TMEM132D: variants seen among roughly 807,000 people sequenced by gnomAD.
TMEM132D encodes transmembrane protein 132D.
TMEM132D carries 21 observed loss-of-function variants against 62.3 expected under a neutral mutation model. The ratio of observed to expected loss-of-function variants is 0.34; its 90% CI spans 0.24 to 0.49. The LOEUF is 0.49. TMEM132D is among the 20% of genes least tolerant of loss of function. The pLI is 0.99. For synonymous variants in TMEM132D, 621 were observed against 575.6 expected (o/e 1.08, Z -1.13); for missense variants, 1,346 against 1,402.8 (o/e 0.96, Z 0.65).
At chr12:129,149,227 G>T (rs935181834) in intron 5 of TMEM132D, among the ~76,000 whole-genome samples, 10 of 152,088 alleles carry the variant, frequency 6.6e-5, no homozygotes, top group East Asian at 3.9e-4. Context: ...GGGCCTGTTG[G>T]GGGGTGGGGG....
rs115775448 is a variant in TMEM132D at position 129,446,862 on chromosome 12, C to T, written c.1115+84197G>A. Among the ~76,000 whole-genome samples, 723 of 152,286 alleles carry T rather than the reference C, an allele frequency of 4.7e-3. 7 individuals are homozygous for T. Among genetic ancestry groups the T allele is most frequent in the African/African-American group, 0.017 (693 of 41,554 alleles). On this transcript the variant is annotated intron_variant, in intron 3 of 8. Transcript: ENST00000422113. ...TGTGCCTGCCAAGTTTTAATCAACT[C>T]GCCTGGCCGTGAGACCCGGCTGGCA...
At chr12:129,081,404 T>C (rs1312268087) in intron 7 of TMEM132D, among the ~76,000 whole-genome samples, 1 of 152,166 alleles carries the variant, frequency 6.6e-6, no homozygotes, top group African/African-American at 2.4e-5. Flanking sequence ...GCCCGAGCGA[T>C]CCTTGCACCT....
intron 3 of TMEM132D, among the ~76,000 whole-genome samples, chr12:129,386,323 A>G (rs1233073029): frequency 6.6e-6 from 1 of 152,220 alleles, no homozygotes. Flanking sequence ...CACTAACACT[A>G]AAACCAATGC....
intron 3 of TMEM132D, among the ~76,000 whole-genome samples, chr12:129,339,223 C>T (rs1401367037): frequency 1.3e-5 from 2 of 148,628 alleles, no homozygotes; most frequent in Non-Finnish European, 1.5e-5. Context: ...GCTGGGATCA[C>T]ACCAGTGCAT....
rs201385402 is a variant in TMEM132D at position 129,472,883 on chromosome 12, T to G, written c.1115+58176A>C. On this transcript the variant is annotated intron_variant, in intron 3 of 8. Coordinates refer to ENST00000422113, the MANE Select transcript of TMEM132D (RefSeq NM_133448.3). Reference sequence around the variant, plus strand: ...GTTGTCTTATTTTAAGACTTTTTTTTTTTTTGAGACAGAGTTTCACTCTTG... The same window carrying G: ...GTTGTCTTATTTTAAGACTTTTTTTGTTTTTGAGACAGAGTTTCACTCTTG... Among the ~76,000 whole-genome samples, 7 of 152,164 alleles carry G rather than the reference T, an allele frequency of 4.6e-5. No individual in the cohort carries two copies. In the East Asian group the frequency reaches 1.2e-3, roughly 25 times the overall value.
At chr12:129,384,973 G>A (rs115175202) in intron 3 of TMEM132D, among the ~76,000 whole-genome samples, 14 of 151,852 alleles carry the variant, frequency 9.2e-5, no homozygotes, top group Middle Eastern at 3.4e-3. Context: ...GTTTACTCAC[G>A]CAGTCTGAAA....
chr12:129,625,832 C>G (rs1879198364), intron 2 of TMEM132D, among the ~76,000 whole-genome samples: 1 of 152,144 alleles, frequency 6.6e-6, no homozygotes, highest in Non-Finnish European at 1.5e-5. Context: ...AATGCCCACT[C>G]AGAGGGGGTA....
chr12:129,217,971 G>T (rs1879254337), intron 4 of TMEM132D, among the ~76,000 whole-genome samples: 1 of 152,124 alleles, frequency 6.6e-6, no homozygotes, highest in Non-Finnish European at 1.5e-5. Flanking sequence ...CTCTCCCCTG[G>T]TCAAAAGTAG....
intron 3 of TMEM132D, among the ~76,000 whole-genome samples, chr12:129,473,335 T>G (rs1305085509): frequency 7.2e-6 from 1 of 138,218 alleles, no homozygotes; most frequent in Non-Finnish European, 1.6e-5. Flanking sequence ...TTTTTTTTTT[T>G]TTTTTTTTTT....
intron 3 of TMEM132D, among the ~76,000 whole-genome samples, chr12:129,491,124 T>G (rs1432224947): frequency 6.6e-6 from 1 of 152,140 alleles, no homozygotes; most frequent in East Asian, 1.9e-4. Context: ...TCCCTTCTGG[T>G]ACCATCACCT....
chr12:129,700,175 G>A lies in TMEM132D; in HGVS notation c.603C>T (p.Ser201=), dbSNP rs775104181. Residue 201 remains serine, a synonymous_variant, in exon 2 of 9, where the codon AGC becomes AGT. Coordinates refer to ENST00000422113, the MANE Select transcript of TMEM132D (RefSeq NM_133448.3). ...CAACCACCGTGGGGGGGCTGAACCAGCTGGACAGGAGCTCCAGCTCGGCCA... is the reference window on the plus strand; with the variant it reads ...CAACCACCGTGGGGGGGCTGAACCAACTGGACAGGAGCTCCAGCTCGGCCA... ...LCVAELELLS[S]WFSPPTVVAG... is the part of the protein sequence containing the mutation. 1.9e-6 allele frequency: 3 copies of A among 1,612,984 alleles called. No homozygotes were observed. Among genetic ancestry groups the A allele is most frequent in the South Asian group, 1.1e-5 (1 of 91,072 alleles).
chr12:129,272,779 G>A (rs79292721), intron 4 of TMEM132D, among the ~76,000 whole-genome samples: 91 of 151,928 alleles, frequency 6.0e-4, no homozygotes, highest in Non-Finnish European at 1.0e-3. Flanking sequence ...TAACAAAATA[G>A]GCCAGGCACG....
chr12:129,899,030 T>C (rs1038411915), intron 1 of TMEM132D, among the ~76,000 whole-genome samples: 1 of 152,242 alleles, frequency 6.6e-6, no homozygotes, highest in Non-Finnish European at 1.5e-5. Context: ...CTGTCCTGTG[T>C]CCTCACAACA....
At chr12:129,791,073 G>A (rs1384150983) in intron 1 of TMEM132D, among the ~76,000 whole-genome samples, 1 of 152,120 alleles carries the variant, frequency 6.6e-6, no homozygotes, top group East Asian at 1.9e-4. Context: ...ATTCTCCACT[G>A]GAAGTGTTGT....
intron 1 of TMEM132D, among the ~76,000 whole-genome samples, chr12:129,845,712 C>T (rs763518425): frequency 2.6e-5 from 4 of 152,136 alleles, no homozygotes; most frequent in Non-Finnish European, 5.9e-5. Flanking sequence ...GGCAGATAAG[C>T]CCCAAAATTG....
chr12:129,478,941 A>G (rs1052389579), intron 3 of TMEM132D, among the ~76,000 whole-genome samples: 1 of 152,234 alleles, frequency 6.6e-6, no homozygotes, highest in East Asian at 1.9e-4. Context: ...TACAAAAAAG[A>G]CCTACACATG....
chr12:129,445,918 C>T (rs539046560), intron 3 of TMEM132D, among the ~76,000 whole-genome samples: 15 of 152,098 alleles, frequency 9.9e-5, no homozygotes, highest in South Asian at 4.1e-4. Flanking sequence ...ACTGTGATGC[C>T]GGTGCAGCAA....
intron 4 of TMEM132D, among the ~76,000 whole-genome samples, chr12:129,224,218 A>G (rs1393695769): frequency 6.6e-6 from 1 of 152,140 alleles, no homozygotes; most frequent in African/African-American, 2.4e-5. Context: ...TTTAGTTAAT[A>G]TAATTTACTT....
At chr12:129,169,726 AAATG>A (rs1877667768) in intron 5 of TMEM132D, among the ~76,000 whole-genome samples, 1 of 152,004 alleles carries the variant, frequency 6.6e-6, no homozygotes, top group African/African-American at 2.4e-5. Flanking sequence ...AGAAGCACTT[AAATG>A]AATGAATGAA....
Sources: allele counts gnomAD v4.1 joint callset (sites outside exome capture counted in the v4.1 genomes callset), GRCh38; gene constraint gnomAD v4.1.1; transcripts MANE v1.5; gene names NCBI Gene and HGNC (gene_info 2026-07-23, HGNC 2026-07-21).